Variants in ANGPT4 observed in about 807,000 individuals in gnomAD.
ANGPT4 encodes the protein angiopoietin-4.
A neutral mutation model predicts 53.0 loss-of-function variants in ANGPT4; 50 were observed. That is an observed-to-expected ratio of 0.94 (90% CI 0.75 to 1.20). ANGPT4 has a LOEUF of 1.20. ANGPT4 is among the 50% of genes most tolerant of loss of function. The probability of loss-of-function intolerance (pLI) is 0.00; values close to 1 mark genes in which losing one functional copy is unlikely to be tolerated. For missense variants in ANGPT4, 648 were observed against 637.1 expected (o/e 1.02, Z -0.18); for synonymous variants, 251 against 259.7 (o/e 0.97, Z 0.32).
intron 4 of ANGPT4, among the ~76,000 whole-genome samples, chr20:883,027 C>T (rs1437734683): frequency 6.6e-6 from 1 of 152,224 alleles, no homozygotes; most frequent in African/African-American, 2.4e-5. Flanking sequence ...TGTGCATAGG[C>T]ACTGTGCTGA....
intron 1 of ANGPT4, among the ~76,000 whole-genome samples, chr20:894,012 C>T (rs945224241): frequency 1.3e-5 from 2 of 151,584 alleles, no homozygotes; most frequent in Admixed American, 1.3e-4. Flanking sequence ...GATTTAATAG[C>T]ATGAAATAGA....
At position 872,162 on chromosome 20, in the gene ANGPT4, A is replaced by T. The variant is rs1198105035; in HGVS notation, c.*798T>A. The T allele has an allele frequency of 6.6e-6, 1 of 152,238 alleles. No individual in the cohort carries two copies. Among genetic ancestry groups the T allele is most frequent in the Non-Finnish European group, 1.5e-5 (1 of 68,068 alleles). The allele number at this position is 152,238 out of a possible 1,614,324, so 9.4% of individuals were successfully genotyped here. A position where few individuals can be genotyped will look rare whatever the true frequency, so the allele number is the denominator to read the frequency against. On this transcript the variant is annotated 3_prime_UTR_variant, in exon 9 of 9. Transcript: ENST00000381922. ...GGCTCTGATCAGTCCTGCAGTGAAG[A>T]GTGCCTGTTCACTTTGACTTAACCT...
At chr20:882,634 T>C (rs1010012463) in intron 4 of ANGPT4, among the ~76,000 whole-genome samples, 2 of 152,132 alleles carry the variant, frequency 1.3e-5, no homozygotes, top group African/African-American at 2.4e-5. Context: ...CCACAGGGAA[T>C]TGGAGTCCAG....
At chr20:876,907 C>T (rs1259115022) in intron 7 of ANGPT4, among the ~76,000 whole-genome samples, 1 of 152,064 alleles carries the variant, frequency 6.6e-6, no homozygotes, top group Non-Finnish European at 1.5e-5. Flanking sequence ...ATCAGCTGGG[C>T]ATGGTAGTGC....
rs1391957582 is a variant in ANGPT4, at chr20:913,324, C to A, written c.309+2582G>T. Among the ~76,000 whole-genome samples, 3 of 152,158 alleles carry A rather than the reference C, an allele frequency of 2.0e-5. No homozygotes were observed. The East Asian group carries it at 5.8e-4, about 29-fold the overall frequency. Reference sequence around the variant, plus strand: ...CACAGAAGGTAGCAAGCACTCCCCACTGGGGACCAGGAGTGTCAGAGGGGG... The same window carrying A: ...CACAGAAGGTAGCAAGCACTCCCCAATGGGGACCAGGAGTGTCAGAGGGGG... On this transcript the variant is annotated intron_variant, in intron 1 of 8. Coordinates refer to ENST00000381922, the MANE Select transcript of ANGPT4 (RefSeq NM_015985.4).
rs1980956752 is a variant in ANGPT4, at chr20:871,906, G to A, written c.*1054C>T. 6.6e-6 allele frequency: 1 copy of A among 152,200 alleles called. No homozygotes were observed. Among genetic ancestry groups the A allele is most frequent in the African/African-American group, 2.4e-5 (1 of 41,412 alleles). The allele number at this position is 152,200 out of a possible 1,614,324, so 9.4% of individuals were successfully genotyped here. On this transcript the variant is annotated 3_prime_UTR_variant, in exon 9 of 9. Coordinates refer to ENST00000381922, the MANE Select transcript of ANGPT4 (RefSeq NM_015985.4). Reference sequence around the variant, plus strand: ...TTCCAGTTGTTTTTAGAGGTTGTTTGAGGCTGTCACTGTGGCCCTTGTAGC... The same window carrying A: ...TTCCAGTTGTTTTTAGAGGTTGTTTAAGGCTGTCACTGTGGCCCTTGTAGC...
chr20:911,583 C>G lies in ANGPT4; in HGVS notation c.309+4323G>C, dbSNP rs1445922271. On this transcript the variant is annotated intron_variant, in intron 1 of 8. Transcript: ENST00000381922. This position sits in a 1 kb window ranked among gnomAD's most constrained non-coding sequence, Gnocchi z 4.9. ...AGAGAGAATCAGAGACAGAGACACC[C>G]ACAGAGTTAGCAACAGTGAGTCAGG... Among the ~76,000 whole-genome samples, 1 of 151,792 alleles carries G rather than the reference C, an allele frequency of 6.6e-6. No homozygotes were observed. The highest frequency in any genetic ancestry group is 2.4e-5 in the African/African-American group (1 of 41,126).
intron 1 of ANGPT4, among the ~76,000 whole-genome samples, chr20:902,778 C>G (rs935981009): frequency 2.6e-5 from 4 of 152,104 alleles, no homozygotes; most frequent in Admixed American, 6.5e-5. Flanking sequence ...AAGGTTAAGA[C>G]CCCTGAAGGC....
intron 7 of ANGPT4, among the ~76,000 whole-genome samples, chr20:877,058 A>G (rs1981197616): frequency 6.7e-6 from 1 of 149,270 alleles, no homozygotes; most frequent in Non-Finnish European, 1.5e-5. Context: ...CCTGCCTCAA[A>G]AAAGCCTTTG....
intron 1 of ANGPT4, among the ~76,000 whole-genome samples, chr20:902,954 C>T (rs1351400263): frequency 6.6e-6 from 1 of 152,210 alleles, no homozygotes; most frequent in Non-Finnish European, 1.5e-5. Context: ...CTCAGAGTCA[C>T]TTCCCTGAGG....
chr20:885,396 G>C, intron 3 of ANGPT4, 71 bp from the exon 4 acceptor site: 1 of 1,439,870 alleles, frequency 6.9e-7, no homozygotes, highest in South Asian at 1.5e-5. Context: ...GCGCCTCCCC[G>C]GCCCTGGAGT....
At chr20:877,335 T>C (rs997027633) in intron 7 of ANGPT4, among the ~76,000 whole-genome samples, 1 of 152,174 alleles carries the variant, frequency 6.6e-6, no homozygotes, top group African/African-American at 2.4e-5. Context: ...GGTTCAGAGA[T>C]AGCCAGGACC....
At chr20:907,694 C>T (rs1214137883) in intron 1 of ANGPT4, among the ~76,000 whole-genome samples, 1 of 152,212 alleles carries the variant, frequency 6.6e-6, no homozygotes, top group African/African-American at 2.4e-5. Context: ...GGACAGGTAG[C>T]TCTTCACAGG....
rs377099816 is a variant in ANGPT4 at position 906,308 on chromosome 20, C to T, written c.309+9598G>A. On this transcript the variant is annotated intron_variant, in intron 1 of 8. Transcript: ENST00000381922. Reference sequence around the variant, plus strand: ...ACTGAGGCCTTCTACTCACAGCCAGCGCCAGCTCACCAGCCACAGGAGGCC... The same window carrying T: ...ACTGAGGCCTTCTACTCACAGCCAGTGCCAGCTCACCAGCCACAGGAGGCC... Among the ~76,000 whole-genome samples, 44 of 152,218 alleles carry T rather than the reference C, an allele frequency of 2.9e-4. 2 individuals are homozygous for T. In the South Asian group the frequency reaches 6.9e-3, roughly 24 times the overall value.
In ANGPT4 at chr20:899,864, A is replaced by G. The variant is rs2122840224; in HGVS notation, c.310-9496T>C. Among the ~76,000 whole-genome samples, 5 of 152,326 alleles carry G rather than the reference A, an allele frequency of 3.3e-5. No homozygotes were observed. The South Asian group carries it at 1.0e-3, about 32-fold the overall frequency. ...GACCCTGACACCCATCAGCCTCAGC[A>G]ACTTACCTGGGCTGTACTGCCACAA... On this transcript the variant is annotated intron_variant, in intron 1 of 8. Transcript: ENST00000381922.
At position 914,032 on chromosome 20, in the gene ANGPT4, T is replaced by C. The variant is rs1454084175; in HGVS notation, c.309+1874A>G. ...CAGGATCCCATCAATGCCAATTTTG[T>C]GTCATCACGGAGCAGGATGGAGACC... On this transcript the variant is annotated intron_variant, in intron 1 of 8. Transcript: ENST00000381922. This position sits in a 1 kb window ranked among gnomAD's most constrained non-coding sequence, Gnocchi z 5.0. Among the ~76,000 whole-genome samples, 2 of 152,134 alleles carry C rather than the reference T, an allele frequency of 1.3e-5. No homozygotes were observed. The highest frequency in any genetic ancestry group is 2.9e-5 in the Non-Finnish European group (2 of 68,018).
At chr20:877,677 A>G (rs1024762109) in intron 7 of ANGPT4, among the ~76,000 whole-genome samples, 3 of 152,222 alleles carry the variant, frequency 2.0e-5, no homozygotes, top group African/African-American at 4.8e-5. Context: ...CAAGATCGTC[A>G]TGTTTAAGCT....
At chr20:903,712 G>T (rs1018521099) in intron 1 of ANGPT4, among the ~76,000 whole-genome samples, 4 of 152,236 alleles carry the variant, frequency 2.6e-5, no homozygotes, top group African/African-American at 9.6e-5. Context: ...GTGGGAATTG[G>T]GATGAAGCCT....
rs1414124996 is a variant in ANGPT4 at position 916,261 on chromosome 20, G to T, written c.-47C>A. On this transcript the variant is annotated 5_prime_UTR_variant, in exon 1 of 9. Coordinates refer to ENST00000381922, the MANE Select transcript of ANGPT4 (RefSeq NM_015985.4). Reference sequence around the variant, plus strand: ...GGGATGTCTGCTCAGAGCCCTAGGGGCTGTGCCTGGGATGTCCTGCTGCAG... The same window carrying T: ...GGGATGTCTGCTCAGAGCCCTAGGGTCTGTGCCTGGGATGTCCTGCTGCAG... The T allele has an allele frequency of 7.0e-6, 11 of 1,568,060 alleles. No individual in the cohort carries two copies. Among genetic ancestry groups the T allele is most frequent in the East Asian group, 2.3e-5 (1 of 44,320 alleles).
Sources: allele counts gnomAD v4.1 joint callset (sites outside exome capture counted in the v4.1 genomes callset), GRCh38; gene constraint gnomAD v4.1.1; non-coding constraint Gnocchi (gnomAD v3.1); transcripts MANE v1.5; gene names NCBI Gene and HGNC (gene_info 2026-07-23, HGNC 2026-07-21).